The following ZNF718 variants were observed in gnomAD, a reference collection of about 807,000 sequenced individuals.
ZNF718 encodes zinc finger protein 718.
A neutral mutation model predicts 2.6 loss-of-function variants in ZNF718; 3 were observed. The ratio of observed to expected loss-of-function variants is 1.16; its 90% CI spans 0.53 to 3.01. ZNF718 has a LOEUF of 3.01. Ranked by LOEUF, ZNF718 falls within the 30% of genes most tolerant of loss-of-function variation. The probability of loss-of-function intolerance (pLI) is 0.03; values close to 1 mark genes in which losing one functional copy is unlikely to be tolerated. For missense variants in ZNF718, 468 were observed against 230.0 expected (o/e 2.03, Z -6.69); for synonymous variants, 135 against 77.9 (o/e 1.73, Z -3.86).
At position 161,656 on chromosome 4, in the gene ZNF718, C is replaced by T. The variant is rs782712612; in HGVS notation, c.971C>T (p.Ser324Leu). 5.1e-6 allele frequency: 4 copies of T among 779,496 alleles called. No homozygotes were observed. Among genetic ancestry groups the T allele is most frequent in the Non-Finnish European group, 9.6e-6 (4 of 417,274 alleles). The allele number at this position is 779,496 out of a possible 1,614,324, so 48.3% of individuals were successfully genotyped here. Residue 324 changes from serine (S) to leucine (L), a missense_variant, in exon 4 of 4, where the codon TCA (serine) becomes TTA (leucine). By Grantham distance (145) the Ser-to-Leu change is moderately radical (BLOSUM62 -2). Transcript: ENST00000510175. ...TGTGGCAATGTCTTTACCACATCCT[C>T]AGACTTTGCTAAACATAAGAGAATT... ...EECGNVFTTS[S>L]DFAKHKRIHT...
In ZNF718 at chr4:162,993, A is replaced by G. The variant is rs1014358565; in HGVS notation, c.*871A>G. On this transcript the variant is annotated 3_prime_UTR_variant, in exon 4 of 4. Transcript: ENST00000510175. ...GATAATTTCTTTCTATATAAGTTGA[A>G]AAGGAGTAGCTTTTTGAAATTATTC... 1 of 152,182 alleles carries G rather than the reference A, an allele frequency of 6.6e-6. No homozygotes were observed. Among genetic ancestry groups the G allele is most frequent in the Non-Finnish European group, 1.5e-5 (1 of 68,024 alleles). 9.4% of individuals were successfully genotyped at this position (152,182 alleles called of 1,614,324 possible). A position where few individuals can be genotyped will look rare whatever the true frequency, so the allele number is the denominator to read the frequency against.
intron 3 of ZNF718, among the ~76,000 whole-genome samples, chr4:196,030 T>C (rs1560134371): frequency 2.6e-5 from 4 of 151,882 alleles, no homozygotes; most frequent in Non-Finnish European, 2.9e-5. Flanking sequence ...CCTCTCTCTC[T>C]CCCTCTCTCT....
chr4:126,041 A>G (rs1276273037), intron 1 of ZNF718, among the ~76,000 whole-genome samples: 2 of 152,166 alleles, frequency 1.3e-5, no homozygotes, highest in East Asian at 3.9e-4. Flanking sequence ...CTGTACCTGT[A>G]GCACAAACCA....
At chr4:197,795 A>G (rs1717822154) in intron 3 of ZNF718, among the ~76,000 whole-genome samples, 1 of 152,148 alleles carries the variant, frequency 6.6e-6, no homozygotes, top group Non-Finnish European at 1.5e-5. Flanking sequence ...GTTGTGTTTC[A>G]TTGTGTCTCT....
intron 3 of ZNF718, among the ~76,000 whole-genome samples, chr4:140,704 T>G (rs1393723336): frequency 1.3e-5 from 2 of 152,218 alleles, no homozygotes; most frequent in Admixed American, 6.5e-5. Context: ...TTCCAAGCTA[T>G]TGAGTCTTCA....
At chr4:145,954 C>CT (rs1230893376) in intron 3 of ZNF718, among the ~76,000 whole-genome samples, 5 of 151,510 alleles carry the variant, frequency 3.3e-5, no homozygotes, top group East Asian at 3.9e-4. Context: ...TCACCCTTTA[C>CT]TTTTTTTTAA....
At chr4:170,392 C>T (rs1038318630) in intron 3 of ZNF718, among the ~76,000 whole-genome samples, 1 of 152,118 alleles carries the variant, frequency 6.6e-6, no homozygotes, top group Non-Finnish European at 1.5e-5. Context: ...TGAATGTTGG[C>T]CTTCCTTGCT....
chr4:160,201 G>A (rs1716762037), intron 3 of ZNF718, among the ~76,000 whole-genome samples: 2 of 152,150 alleles, frequency 1.3e-5, no homozygotes, highest in South Asian at 4.1e-4. Context: ...ACCAGAAGTA[G>A]GAATGCGTGT....
intron 3 of ZNF718, among the ~76,000 whole-genome samples, chr4:187,214 G>GT (rs1174554645): frequency 1.1e-4 from 16 of 151,414 alleles, no homozygotes; most frequent in South Asian, 2.1e-4. Context: ...GTTTTTTGGG[G>GT]TTTTTTTTGT....
intron 3 of ZNF718, among the ~76,000 whole-genome samples, chr4:139,363 A>G (rs969441419): frequency 1.6e-4 from 25 of 152,180 alleles, no homozygotes; most frequent in African/African-American, 5.3e-4. Flanking sequence ...TTGTAACACA[A>G]TTTGTTGAAG....
chr4:200,777 T>C (rs1717883288), intron 3 of ZNF718, among the ~76,000 whole-genome samples: 1 of 152,038 alleles, frequency 6.6e-6, no homozygotes, highest in African/African-American at 2.4e-5. Context: ...ACATTTCACA[T>C]AATTTTTTCA....
chr4:136,885 T>TA (rs1191137134), intron 3 of ZNF718, among the ~76,000 whole-genome samples: 1 of 152,166 alleles, frequency 6.6e-6, no homozygotes, highest in Non-Finnish European at 1.5e-5. Flanking sequence ...TTGTAAGTGA[T>TA]ATAGTTTGGA....
At chr4:140,988 A>T (rs1443918716) in intron 3 of ZNF718, among the ~76,000 whole-genome samples, 5 of 152,220 alleles carry the variant, frequency 3.3e-5, no homozygotes, top group African/African-American at 1.2e-4. Context: ...TGTCAGTGTT[A>T]ATTCAAGCTG....
chr4:148,097 G>A (rs1318990094), intron 3 of ZNF718, among the ~76,000 whole-genome samples: 4 of 152,126 alleles, frequency 2.6e-5, no homozygotes, highest in Admixed American at 6.5e-5. Context: ...CTGGGTTCAC[G>A]GCATTTATGC....
At chr4:181,370 C>T (rs905462187) in intron 3 of ZNF718, among the ~76,000 whole-genome samples, 7 of 151,684 alleles carry the variant, frequency 4.6e-5, no homozygotes, top group Non-Finnish European at 1.5e-5. Context: ...CCTAATCCAA[C>T]ATTATAAAAA....
intron 3 of ZNF718, among the ~76,000 whole-genome samples, chr4:174,001 G>A (rs1553818646): frequency 6.6e-6 from 1 of 152,052 alleles, no homozygotes; most frequent in Non-Finnish European, 1.5e-5. Context: ...AGGCCCCCAA[G>A]TAGAGAGCAG....
intron 1 of ZNF718, chr4:124,916 G>C (rs1192726968): frequency 4.3e-6 from 2 of 466,274 alleles, no homozygotes; most frequent in African/African-American, 4.0e-5. Flanking sequence ...GAGTGAGTAG[G>C]AGCTCATCCG....
chr4:183,831 G>A (rs1717513201), intron 3 of ZNF718, among the ~76,000 whole-genome samples: 3 of 152,060 alleles, frequency 2.0e-5, no homozygotes, highest in Admixed American at 6.6e-5. Context: ...ACATAGGAAT[G>A]CTAGAGATTT....
At chr4:176,648 C>T (rs79537863) in intron 3 of ZNF718, among the ~76,000 whole-genome samples, 2,990 of 152,274 alleles carry the variant, frequency 0.02, 102 homozygotes, top group African/African-American at 0.068. Context: ...TGAATTCTAC[C>T]TCAATCACTC....
Sources: allele counts gnomAD v4.1 joint callset (sites outside exome capture counted in the v4.1 genomes callset), GRCh38; gene constraint gnomAD v4.1.1; transcripts MANE v1.5; gene names NCBI Gene and HGNC (gene_info 2026-07-23, HGNC 2026-07-21).